The following USP6 variants were observed in gnomAD, a reference collection of about 807,000 sequenced individuals.
USP6 encodes ubiquitin specific peptidase 6.
USP6 carries 128 observed loss-of-function variants against 175.7 expected under a neutral mutation model. The observed-to-expected ratio is 0.73, with a 90% CI of 0.63 to 0.84. USP6 has a LOEUF of 0.84. Ranked by LOEUF, USP6 falls within the 40% of genes least tolerant of loss-of-function variation. The pLI is 0.00. For missense variants in USP6, 1,498 were observed against 1,760.3 expected (o/e 0.85, Z 2.67); for synonymous variants, 562 against 630.6 (o/e 0.89, Z 1.63).
In USP6 at chr17:5,148,618, A is replaced by G; in HGVS notation, c.2494A>G (p.Lys832Glu). 6.2e-7 allele frequency: 1 copy of G among 1,613,982 alleles called. No individual in the cohort carries two copies. Among genetic ancestry groups the G allele is most frequent in the Non-Finnish European group, 8.5e-7 (1 of 1,179,866 alleles). Residue 832 changes from lysine to glutamate, a missense_variant, in exon 30 of 38, where the codon AAA (lysine) becomes GAA (glutamate). Around this residue, in one of 2 missense-constraint regions of USP6, gnomAD observed 1,217 missense variants for 1,500.8 expected, o/e 0.81. Coordinates refer to ENST00000574788, the MANE Select transcript of USP6 (RefSeq NM_001304284.2). Reference protein sequence around the residue: ...FTLTTNGDLPKPIFIPNGMPN... With the variant: ...FTLTTNGDLPEPIFIPNGMPN... Reference sequence around the variant, plus strand: ...CCTAACTACCAATGGGGACCTACCCAAACCAATATTCATCCCCAATGGAAT... The same window carrying G: ...CCTAACTACCAATGGGGACCTACCCGAACCAATATTCATCCCCAATGGAAT...
intron 22 of USP6, among the ~76,000 whole-genome samples, chr17:5,139,993 A>T (rs1019155133): frequency 6.6e-6 from 1 of 152,096 alleles, no homozygotes; most frequent in African/African-American, 2.4e-5. Flanking sequence ...AGCTTGAAAG[A>T]CATGCACAGA....
chr17:5,171,360 A>G (rs2074213175), intron 36 of USP6, among the ~76,000 whole-genome samples: 1 of 152,120 alleles, frequency 6.6e-6, no homozygotes, highest in Non-Finnish European at 1.5e-5. Flanking sequence ...TAATAATAAT[A>G]GTAATTACAA....
intron 30 of USP6, among the ~76,000 whole-genome samples, chr17:5,151,464 T>G (rs1382239631): frequency 2.1e-5 from 3 of 145,142 alleles, no homozygotes; most frequent in Non-Finnish European, 4.6e-5. Flanking sequence ...TGTGTGTGTG[T>G]GGTGTGTGTG....
In USP6 at chr17:5,174,240, AT is replaced by A; in HGVS notation, c.*1269del. On this transcript the variant is annotated 3_prime_UTR_variant, in exon 38 of 38. Coordinates refer to ENST00000574788, the MANE Select transcript of USP6 (RefSeq NM_001304284.2). ...ATAAATATTATTTATTTGAGGTAGA[AT>A]TTTTTTCATGTAGTTTCTTAATATA... The A allele has an allele frequency of 5.3e-6, 1 of 189,974 alleles. No homozygotes were observed. Among genetic ancestry groups the A allele is most frequent in the Non-Finnish European group, 1.1e-5 (1 of 90,224 alleles). 11.8% of individuals were successfully genotyped at this position (189,974 alleles called of 1,614,324 possible).
chr17:5,137,640 T>C lies in USP6; in HGVS notation c.826-11T>C, dbSNP rs1232071721. The C allele has an allele frequency of 1.2e-6, 2 of 1,602,708 alleles. No individual in the cohort carries two copies. The highest frequency in any genetic ancestry group is 8.5e-7 in the Non-Finnish European group (1 of 1,173,072). On this transcript the variant is annotated splice_polypyrimidine_tract_variant and intron_variant, in intron 19 of 37. Transcript: ENST00000574788. ...AAGGGCCAGGTTCTCTCATACCTGC[T>C]GTCCCCACAGATCTCTCTCGGGCTC... is the stretch of plus-strand genomic sequence containing the variant.
rs1457694413 is a variant in USP6, at chr17:5,144,785, T to C, written c.1914T>C (p.Asp638=). 2.5e-6 allele frequency: 4 copies of C among 1,613,718 alleles called. No homozygotes were observed. Among genetic ancestry groups the C allele is most frequent in the Middle Eastern group, 1.7e-4 (1 of 6,056 alleles). Residue 638 remains aspartate (D), a synonymous_variant, in exon 26 of 38, where the codon GAT becomes GAC. Transcript: ENST00000574788. ...LAFLLDGLHE[D]LNRVHEKPYV... is the part of the protein sequence containing the mutation. Reference sequence around the variant, plus strand: ...TTCTCTTGGATGGTCTTCATGAAGATCTCAACCGAGTCCATGAAAAGCCAT... The same window carrying C: ...TTCTCTTGGATGGTCTTCATGAAGACCTCAACCGAGTCCATGAAAAGCCAT...
At chr17:5,133,347 A>C in intron 13 of USP6, 96 bp from the exon 14 acceptor site, 1 of 1,366,242 alleles carries the variant, frequency 7.3e-7, no homozygotes, top group Non-Finnish European at 1.0e-6. Flanking sequence ...CTGAGGAATC[A>C]TGGGGCCAAA....
At chr17:5,170,406 G>A (rs1352548769) in intron 35 of USP6, 73 bp from the exon 36 acceptor site, 10 of 1,537,428 alleles carry the variant, frequency 6.5e-6, no homozygotes, top group Admixed American at 6.0e-5. Context: ...AGCTAACCTC[G>A]GAGTTAGCAT....
At chr17:5,122,482 C>T (rs1347710771) in intron 4 of USP6, among the ~76,000 whole-genome samples, 2 of 152,234 alleles carry the variant, frequency 1.3e-5, no homozygotes, top group Non-Finnish European at 2.9e-5. Flanking sequence ...GTTTTTCCAT[C>T]AAGGTTTTTC....
rs2073475071 is a variant in USP6 at position 5,142,438 on chromosome 17, A to G, written c.1754A>G (p.Tyr585Cys). The change falls in exon 25 of 38, where the codon TAT becomes TGT. Residue 585 changes from tyrosine (Y) to cysteine (C), a missense_variant. By Grantham distance (194) the Tyr-to-Cys change is radical. Around this residue, in one of 2 missense-constraint regions of USP6, gnomAD observed 1,217 missense variants for 1,500.8 expected, o/e 0.81. Transcript: ENST00000574788. ...IGMKGHMAKC[Y>C]GDLVQELWSG... ...ATGAAGGGGCATATGGCTAAATGCT[A>G]TGGTGATTTAGTGCAGGAACTCTGG... The G allele has an allele frequency of 3.7e-6, 6 of 1,613,936 alleles. No homozygotes were observed. Among genetic ancestry groups the G allele is most frequent in the East Asian group, 4.5e-5 (2 of 44,878 alleles).
chr17:5,160,294 C>A (rs977132052), intron 31 of USP6, among the ~76,000 whole-genome samples: 2 of 152,116 alleles, frequency 1.3e-5, no homozygotes, highest in Admixed American at 6.6e-5. Flanking sequence ...GTTTCATTAC[C>A]TTCAATAGCC....
chr17:5,128,033 A>T (rs1156357226), intron 7 of USP6, among the ~76,000 whole-genome samples: 1 of 152,226 alleles, frequency 6.6e-6, no homozygotes, highest in East Asian at 1.9e-4. Context: ...ACAGGGGAGC[A>T]GGTGTTGATC....
In USP6 at chr17:5,173,697, A is replaced by G. The variant is rs1567819859; in HGVS notation, c.*719A>G. The G allele has an allele frequency of 4.6e-6, 1 of 217,938 alleles. No individual in the cohort carries two copies. The allele number at this position is 217,938 out of a possible 1,614,324, so 13.5% of individuals were successfully genotyped here. ...GAAAAACATCCTGGGAAATCCAGCT[A>G]CCAGGGCCCTCCCAGTGGAGGCATC... On this transcript the variant is annotated 3_prime_UTR_variant, in exon 38 of 38. Transcript: ENST00000574788.
chr17:5,138,539 C>T lies in USP6; in HGVS notation c.1078+266C>T, dbSNP rs114943558. ...CCCCCTCCCACTTTCCACGGTGTCTCGCTCTCTCCCTCACAGGGCCCTCAA... is the reference window on the plus strand; with the variant it reads ...CCCCCTCCCACTTTCCACGGTGTCTTGCTCTCTCCCTCACAGGGCCCTCAA... On this transcript the variant is annotated intron_variant, in intron 21 of 37. Transcript: ENST00000574788. Among the ~76,000 whole-genome samples the T allele has an allele frequency of 6.1e-3, 925 of 152,146 alleles. 13 individuals carry two copies. Among genetic ancestry groups the T allele is most frequent in the African/African-American group, 0.021 (855 of 41,518 alleles).
chr17:5,144,280 C>T lies in USP6; in HGVS notation c.1819-410C>T, dbSNP rs1353763902. Among the ~76,000 whole-genome samples, 3 of 149,956 alleles carry T rather than the reference C, an allele frequency of 2.0e-5. No individual in the cohort carries two copies. In the East Asian group the frequency reaches 6.3e-4, roughly 32 times the overall value. On this transcript the variant is annotated intron_variant, in intron 25 of 37. Coordinates refer to ENST00000574788, the MANE Select transcript of USP6 (RefSeq NM_001304284.2). ...TACATGCTATGTATTATTATATACACATTATTTTATGCATGTTATGTATAT... is the reference window on the plus strand; with the variant it reads ...TACATGCTATGTATTATTATATACATATTATTTTATGCATGTTATGTATAT...
In USP6 at chr17:5,135,229, C is replaced by T. The variant is rs1391120015; in HGVS notation, c.495-5C>T. On this transcript the variant is annotated splice_polypyrimidine_tract_variant and splice_region_variant and intron_variant, in intron 15 of 37. Transcript: ENST00000574788. ...AAACCATAGCCCCCTTTCTGTGTTT[C>T]CTAGGCAGAGGGAACTATTCTACAT... The T allele has an allele frequency of 1.9e-6, 3 of 1,612,640 alleles. No homozygotes were observed. Among genetic ancestry groups the T allele is most frequent in the East Asian group, 2.2e-5 (1 of 44,838 alleles).
chr17:5,144,654 A>G (rs775439328), intron 25 of USP6, 36 bp from the exon 26 acceptor site: 1 of 1,605,752 alleles, frequency 6.2e-7, no homozygotes, highest in Non-Finnish European at 8.5e-7. Flanking sequence ...TTTTATGGGT[A>G]GGAAATAATG....
rs549288935 is a variant in USP6 at position 5,132,852 on chromosome 17, A to G, written c.196-58A>G. On this transcript the variant is annotated intron_variant, in intron 12 of 37. Coordinates refer to ENST00000574788, the MANE Select transcript of USP6 (RefSeq NM_001304284.2). The surrounding 1 kb of genome is among the most constrained non-coding windows in gnomAD (Gnocchi z 4.7). Reference sequence around the variant, plus strand: ...CTCCAGAGCCCAAGACTCAGCATCCATGGGCGGCTCTGGGAAGCCTGGCAG... The same window carrying G: ...CTCCAGAGCCCAAGACTCAGCATCCGTGGGCGGCTCTGGGAAGCCTGGCAG... 6 of 1,591,972 alleles carry G rather than the reference A, an allele frequency of 3.8e-6. No homozygotes were observed. Among genetic ancestry groups the G allele is most frequent in the East Asian group, 2.2e-5 (1 of 44,754 alleles).
chr17:5,164,342 C>A (rs1008874420), intron 33 of USP6, among the ~76,000 whole-genome samples: 30 of 152,174 alleles, frequency 2.0e-4, no homozygotes, highest in Admixed American at 3.3e-4. Context: ...TTTGTGGATA[C>A]TTGTCAAATG....
Sources: gnomAD v4.1 joint callset for allele counts (sites outside exome capture counted in the v4.1 genomes callset) on GRCh38, gnomAD v4.1.1 for gene constraint, gnomAD v4.1.1 regional missense constraint, Gnocchi (gnomAD v3.1) non-coding constraint, MANE v1.5 for transcripts, NCBI Gene and HGNC (gene_info 2026-07-23, HGNC 2026-07-21) for gene names.